CUL5: variants seen among roughly 807,000 people sequenced by gnomAD.
CUL5 encodes the protein cullin 5.
CUL5 carries 26 observed loss-of-function variants against 108.8 expected under a neutral mutation model. That is an observed-to-expected ratio of 0.24 (90% CI 0.18 to 0.33). CUL5 has a LOEUF of 0.33. CUL5 is among the 10% of genes least tolerant of loss of function. The probability of loss-of-function intolerance (pLI) is 1.00; values close to 1 mark genes in which losing one functional copy is unlikely to be tolerated. For missense variants in CUL5, 524 were observed against 909.2 expected (o/e 0.58, Z 5.45); for synonymous variants, 334 against 298.0 (o/e 1.12, Z -1.25).
chr11:108,034,825 T>C (rs1165944837), intron 2 of CUL5, among the ~76,000 whole-genome samples: 1 of 152,218 alleles, frequency 6.6e-6, no homozygotes, highest in Admixed American at 6.5e-5. Flanking sequence ...AAAAGTCTTT[T>C]TCACTAAAAA....
At chr11:108,098,905 A>G (rs1240650326) in intron 18 of CUL5, among the ~76,000 whole-genome samples, 1 of 152,100 alleles carries the variant, frequency 6.6e-6, no homozygotes, top group Non-Finnish European at 1.5e-5. Flanking sequence ...AGTAACACCT[A>G]CACATGATTG....
intron 16 of CUL5, among the ~76,000 whole-genome samples, chr11:108,096,426 C>T (rs903613219): frequency 6.6e-6 from 1 of 151,330 alleles, no homozygotes; most frequent in Non-Finnish European, 1.5e-5. Flanking sequence ...CAGGAGGATG[C>T]AGTGAGCCAC....
In CUL5 at chr11:108,107,190, T is replaced by C. The variant is rs1479057577; in HGVS notation, c.*2806T>C. The C allele has an allele frequency of 1.3e-5, 2 of 152,204 alleles. No individual in the cohort carries two copies. The highest frequency in any genetic ancestry group is 3.4e-3 in the Middle Eastern group (1 of 294). 9.4% of individuals were successfully genotyped at this position (152,204 alleles called of 1,614,324 possible). A position where few individuals can be genotyped will look rare whatever the true frequency, so the allele number is the denominator to read the frequency against. On this transcript the variant is annotated 3_prime_UTR_variant, in exon 19 of 19. Transcript: ENST00000393094. The stretch of plus-strand genomic sequence containing the variant: ...TTTTTATTTAAGTCTCTTGCTCTTA[T>C]TTTGTGCATAAATGTTAAACCTTCC...
rs556366947 is a variant in CUL5 at position 108,106,536 on chromosome 11, T to C, written c.*2152T>C. 303 of 61,272 alleles carry C rather than the reference T, an allele frequency of 4.9e-3. 1 individual carries two copies. The highest frequency in any genetic ancestry group is 0.018 in the African/African-American group (293 of 16,550). The allele number at this position is 61,272 out of a possible 1,614,324, so 3.8% of individuals were successfully genotyped here. ...CAGCAAATACTGTAAATGTACAGTT[T>C]TCTTTTTTTTTTTTTTTTGGTTATG... On this transcript the variant is annotated 3_prime_UTR_variant, in exon 19 of 19. Coordinates refer to ENST00000393094, the MANE Select transcript of CUL5 (RefSeq NM_003478.6).
chr11:108,095,035 G>C, intron 15 of CUL5, 48 bp downstream of exon 15: 1 of 1,480,924 alleles, frequency 6.8e-7, no homozygotes, highest in African/African-American at 1.4e-5. Context: ...TTGGATGAAA[G>C]TAGCAGGACT....
chr11:108,095,972 T>C (rs1864481869), intron 16 of CUL5, among the ~76,000 whole-genome samples: 1 of 151,334 alleles, frequency 6.6e-6, no homozygotes, highest in Non-Finnish European at 1.5e-5. Flanking sequence ...GGTGGGCGCC[T>C]GTAATCCCAG....
At chr11:108,061,930 A>G (rs1381511867) in intron 7 of CUL5, among the ~76,000 whole-genome samples, 1 of 152,090 alleles carries the variant, frequency 6.6e-6, no homozygotes, top group African/African-American at 2.4e-5. Flanking sequence ...TGCAGGAGAA[A>G]CTGCCACTTT....
chr11:108,035,151 G>A (rs1398350401), intron 2 of CUL5, among the ~76,000 whole-genome samples: 1 of 152,190 alleles, frequency 6.6e-6, no homozygotes, highest in African/African-American at 2.4e-5. Context: ...CAGTAGCAGT[G>A]AGACATCTCA....
intron 17 of CUL5, 137 bp from the exon 18 acceptor site, chr11:108,098,269 G>A (rs1040875730): frequency 4.2e-6 from 3 of 708,282 alleles, no homozygotes; most frequent in East Asian, 6.4e-5. Flanking sequence ...GCAATATGTA[G>A]GTTATTTGTC....
chr11:108,029,230 A>G (rs1453190695), intron 1 of CUL5, among the ~76,000 whole-genome samples: 1 of 150,228 alleles, frequency 6.7e-6, no homozygotes, highest in African/African-American at 2.5e-5. Context: ...GTATTCCCCC[A>G]TTGTCAACTC....
Position 108,061,197 on chromosome 11 carries a change from A to G in CUL5, c.780+6242A>G, listed in dbSNP as rs527493203. Among the ~76,000 whole-genome samples the G allele has an allele frequency of 2.0e-5, 3 of 152,330 alleles. No individual in the cohort carries two copies. In the East Asian group the frequency reaches 5.8e-4, roughly 29 times the overall value. ...GGTGAGAGAGATGGCTTATCACTAT[A>G]CTTTCCATTCAAGATGTATTTTCAA... On this transcript the variant is annotated intron_variant, in intron 7 of 18. Transcript: ENST00000393094.
intron 18 of CUL5, among the ~76,000 whole-genome samples, chr11:108,101,572 A>G (rs1304699602): frequency 6.6e-6 from 1 of 152,212 alleles, no homozygotes. Flanking sequence ...TCTGCAGAAT[A>G]ATGACAGGAT....
At chr11:108,019,187 T>A (rs1448944137) in intron 1 of CUL5, among the ~76,000 whole-genome samples, 1 of 89,950 alleles carries the variant, frequency 1.1e-5, no homozygotes, top group Admixed American at 1.6e-4. Flanking sequence ...GGTTTTGGTA[T>A]CCCGATGGGT....
intron 11 of CUL5, among the ~76,000 whole-genome samples, chr11:108,083,326 A>G (rs1220838349): frequency 6.6e-6 from 1 of 152,214 alleles, no homozygotes; most frequent in Non-Finnish European, 1.5e-5. Flanking sequence ...TGCATTAAGT[A>G]GTTTCCGATG....
intron 1 of CUL5, among the ~76,000 whole-genome samples, chr11:108,016,240 C>CTCTTCTCTTCTCG (rs948644879): frequency 2.0e-5 from 3 of 151,624 alleles, no homozygotes; most frequent in East Asian, 1.9e-4. Context: ...CTTTTCTCTT[C>CTCTTCTCTTCTCG]TCTTCTCTTC....
intron 10 of CUL5, among the ~76,000 whole-genome samples, chr11:108,076,677 A>G (rs946229614): frequency 6.6e-6 from 1 of 152,138 alleles, no homozygotes; most frequent in Non-Finnish European, 1.5e-5. Context: ...TGAATGTGGG[A>G]GTGCAGTTAT....
chr11:108,020,844 G>A (rs189841515), intron 1 of CUL5, among the ~76,000 whole-genome samples: 1 of 152,190 alleles, frequency 6.6e-6, no homozygotes, highest in Non-Finnish European at 1.5e-5. Context: ...TTTATAAAGT[G>A]TACAGTAATG....
At chr11:108,040,725 G>A (rs935568651) in intron 2 of CUL5, among the ~76,000 whole-genome samples, 2 of 151,668 alleles carry the variant, frequency 1.3e-5, no homozygotes, top group Admixed American at 1.3e-4. Context: ...TTTAAGTTAC[G>A]AGCTTATCAT....
chr11:108,077,237 A>G lies in CUL5; in HGVS notation c.1114-939A>G, dbSNP rs1863962311. 2.6e-5 allele frequency among the ~76,000 whole-genome samples: 4 copies of G among 152,218 alleles called. No individual in the cohort carries two copies. The South Asian group carries it at 8.3e-4, about 31-fold the overall frequency. ...AATGTTATGTGCTAGAAGACAAGTG[A>G]AAAAAGTACTTTCAGGAGGAGGGTG... On this transcript the variant is annotated intron_variant, in intron 10 of 18. Coordinates refer to ENST00000393094, the MANE Select transcript of CUL5 (RefSeq NM_003478.6).
Sources: allele counts gnomAD v4.1 joint callset (sites outside exome capture counted in the v4.1 genomes callset), GRCh38; gene constraint gnomAD v4.1.1; transcripts MANE v1.5; gene names NCBI Gene and HGNC (gene_info 2026-07-23, HGNC 2026-07-21).